The following SHROOM2 variants were observed in gnomAD, a reference collection of about 807,000 sequenced individuals.
SHROOM2 encodes shroom family member 2.
Under a neutral mutation model 75.9 loss-of-function variants are expected in SHROOM2, and 33 were observed. That is an observed-to-expected ratio of 0.43 (90% CI 0.33 to 0.58). SHROOM2 has a LOEUF of 0.58. SHROOM2 is among the 20% of genes least tolerant of loss of function. The pLI, the probability that SHROOM2 is intolerant of heterozygous loss-of-function variation, is 0.04. For missense variants in SHROOM2, 1,434 were observed against 1,461.2 expected (o/e 0.98, Z 0.30); for synonymous variants, 655 against 663.6 (o/e 0.99, Z 0.20).
chrX:9,925,950 G>C (rs1275687440), intron 5 of SHROOM2, among the ~76,000 whole-genome samples: 1 of 111,393 alleles, frequency 9.0e-6, no homozygotes, highest in Non-Finnish European at 1.9e-5. Flanking sequence ...CTCATTGGCT[G>C]GGTGTGTTGC....
At chrX:9,880,568 G>A (rs910388467) in intron 2 of SHROOM2, among the ~76,000 whole-genome samples, 2 of 112,520 alleles carry the variant, frequency 1.8e-5, no homozygotes, top group Non-Finnish European at 3.8e-5. Flanking sequence ...AGTAAATGTC[G>A]CCTCTTCTTA....
Position 9,949,243 on chromosome X carries a change from T to C in SHROOM2, c.*2306T>C. ...ATCTGGTGCTAATGGTTGGCCCTGG[T>C]GTTGTTGGGTGGCAGCTGCTCCTTC... On this transcript the variant is annotated 3_prime_UTR_variant, in exon 10 of 10. Transcript: ENST00000380913. The C allele has an allele frequency of 3.3e-6, 1 of 306,642 alleles. No homozygotes were observed. Among genetic ancestry groups the C allele is most frequent in the Non-Finnish European group, 6.3e-6 (1 of 158,217 alleles). 25.3% of individuals were successfully genotyped at this position (306,642 alleles called of 1,213,427 possible). A position where few individuals can be genotyped will look rare whatever the true frequency, so the allele number is the denominator to read the frequency against.
intron 1 of SHROOM2, among the ~76,000 whole-genome samples, chrX:9,834,623 C>CTTATTTAT (rs201317435): frequency 4.4e-4 from 17 of 38,445 alleles, no homozygotes; most frequent in Non-Finnish European, 7.7e-4. Context: ...CTTTCTCCAC[C>CTTATTTAT]TTATTTATTT....
intron 1 of SHROOM2, among the ~76,000 whole-genome samples, chrX:9,855,713 A>G (rs1296201008): frequency 8.9e-6 from 1 of 111,894 alleles, no homozygotes; most frequent in African/African-American, 3.2e-5. Flanking sequence ...AGAAGCGATG[A>G]ACCCATCCTT....
chrX:9,881,951 G>A (rs779403272), intron 2 of SHROOM2, among the ~76,000 whole-genome samples: 9 of 112,071 alleles, frequency 8.0e-5, no homozygotes, highest in African/African-American at 2.9e-4. Context: ...AGGACAAATT[G>A]AGTAAAAATA....
intron 1 of SHROOM2, among the ~76,000 whole-genome samples, chrX:9,815,178 C>T (rs998601639): frequency 9.0e-6 from 1 of 111,451 alleles, no homozygotes; most frequent in Non-Finnish European, 1.9e-5. Context: ...AGCAGTGAAT[C>T]AGGAGTGTCA....
chrX:9,914,532 G>A (rs1219167539), intron 5 of SHROOM2, among the ~76,000 whole-genome samples: 1 of 111,017 alleles, frequency 9.0e-6, no homozygotes, highest in East Asian at 2.8e-4. Context: ...CTGATTTCCA[G>A]CTGGCTTTTC....
At chrX:9,920,175 T>G (rs1411558625) in intron 5 of SHROOM2, among the ~76,000 whole-genome samples, 1 of 111,075 alleles carries the variant, frequency 9.0e-6, no homozygotes, top group African/African-American at 3.3e-5. Context: ...CTACAGCTCC[T>G]CAGACAGTAT....
At chrX:9,890,471 G>T (rs1259657184) in intron 2 of SHROOM2, among the ~76,000 whole-genome samples, 1 of 113,895 alleles carries the variant, frequency 8.8e-6, no homozygotes, top group Non-Finnish European at 1.9e-5. Flanking sequence ...TAAAAAGAAG[G>T]TGTGGGTTTG....
At chrX:9,834,211 A>G (rs5979187) in intron 1 of SHROOM2, among the ~76,000 whole-genome samples, 9,762 of 111,490 alleles carry the variant, frequency 0.088, 1,017 homozygotes, top group African/African-American at 0.3. Flanking sequence ...GCAGCGCTGG[A>G]CCTGTCACCC....
chrX:9,892,418 A>C lies in SHROOM2; in HGVS notation c.449+1310A>C, dbSNP rs937980102. On this transcript the variant is annotated intron_variant, in intron 3 of 9. Transcript: ENST00000380913. Reference sequence around the variant, plus strand: ...AGTGTATTTTTTGGGGAAAAAAAAAACACAAAAAAACAAAAAGCCACAGAT... The same window carrying C: ...AGTGTATTTTTTGGGGAAAAAAAAACCACAAAAAAACAAAAAGCCACAGAT... Among the ~76,000 whole-genome samples, 19 of 110,600 alleles carry C rather than the reference A, an allele frequency of 1.7e-4. No individual in the cohort carries two copies. In the East Asian group the frequency reaches 3.1e-3, roughly 18 times the overall value.
rs765504866 is a variant in SHROOM2, at chrX:9,896,243, A to G, written c.2335A>G (p.Ser779Gly). ...MNEVGLTRGY[S>G]PHQHPRTSED... The stretch of plus-strand genomic sequence containing the variant: ...CGAGGTGGGCCTCACGAGGGGCTAC[A>G]GTCCTCACCAGCACCCCAGGACATC... Residue 779 changes from serine to glycine, a missense_variant, in exon 4 of 10, where the codon AGT (serine) becomes GGT (glycine). Physicochemically the swap from Ser to Gly is moderately conservative, Grantham distance 56 (BLOSUM62 0). Transcript: ENST00000380913. 2 of 1,212,041 alleles carry G rather than the reference A, an allele frequency of 1.7e-6. No homozygotes were observed. The highest frequency in any genetic ancestry group is 1.8e-5 in the South Asian group (1 of 57,020).
chrX:9,864,238 C>A lies in SHROOM2; in HGVS notation c.166-9414C>A, dbSNP rs2084120936. 2.7e-5 allele frequency among the ~76,000 whole-genome samples: 3 copies of A among 111,475 alleles called. No homozygotes were observed. In the South Asian group the frequency reaches 1.1e-3, roughly 43 times the overall value. On this transcript the variant is annotated intron_variant, in intron 1 of 9. Transcript: ENST00000380913. The stretch of plus-strand genomic sequence containing the variant: ...TCACTCACCGTTATCAGCAACACTG[C>A]ATACTCAAGTTTTCAGCCTTTCATA...
At chrX:9,795,197 A>G (rs73473839) in intron 1 of SHROOM2, among the ~76,000 whole-genome samples, 5,621 of 108,989 alleles carry the variant, frequency 0.052, 334 homozygotes, top group African/African-American at 0.18. Context: ...GGTTATAGCC[A>G]CACTACAGCC....
intron 1 of SHROOM2, among the ~76,000 whole-genome samples, chrX:9,873,138 C>T (rs146633849): frequency 0.01 from 1,135 of 111,730 alleles, 16 homozygotes; most frequent in African/African-American, 0.035. Flanking sequence ...GATTGGAAAC[C>T]GAGTAGTAAT....
chrX:9,929,922 C>G (rs780964421), intron 5 of SHROOM2, among the ~76,000 whole-genome samples: 2 of 110,951 alleles, frequency 1.8e-5, no homozygotes, highest in Non-Finnish European at 3.8e-5. Context: ...CAGGGGTTTC[C>G]GCTTTTGCTT....
chrX:9,949,180 A>G lies in SHROOM2; in HGVS notation c.*2243A>G, dbSNP rs2084849983. 3.5e-5 allele frequency: 9 copies of G among 256,722 alleles called. No individual in the cohort carries two copies. The highest frequency in any genetic ancestry group is 2.6e-4 in the South Asian group (7 of 26,498). The allele number at this position is 256,722 out of a possible 1,213,427, so 21.2% of individuals were successfully genotyped here. A position where few individuals can be genotyped will look rare whatever the true frequency, so the allele number is the denominator to read the frequency against. On this transcript the variant is annotated 3_prime_UTR_variant, in exon 10 of 10. Transcript: ENST00000380913. ...CAAAGATTCTAGTGAGTCAACATCCATAACTCTGTATCTAGTTGTATTATT... is the reference window on the plus strand; with the variant it reads ...CAAAGATTCTAGTGAGTCAACATCCGTAACTCTGTATCTAGTTGTATTATT...
intron 1 of SHROOM2, among the ~76,000 whole-genome samples, chrX:9,860,055 C>G (rs1384312043): frequency 9.0e-6 from 1 of 111,628 alleles, no homozygotes; most frequent in Admixed American, 9.5e-5. Context: ...GTGGTTCTCC[C>G]CTGGGGGCAG....
At position 9,813,478 on chromosome X, in the gene SHROOM2, A is replaced by G. The variant is rs184904815; in HGVS notation, c.165+26768A>G. Among the ~76,000 whole-genome samples, 782 of 111,537 alleles carry G rather than the reference A, an allele frequency of 7.0e-3. 5 individuals carry two copies. Among genetic ancestry groups the G allele is most frequent in the Non-Finnish European group, 0.011 (584 of 53,077 alleles). On this transcript the variant is annotated intron_variant, in intron 1 of 9. Transcript: ENST00000380913. ...ATGTCTGATCATTTCCCTTTCCCCA[A>G]TGCACAGTTACCCTGGCTAAAGTCC...
Sources: gnomAD v4.1 joint callset for allele counts (sites outside exome capture counted in the v4.1 genomes callset) on GRCh38, gnomAD v4.1.1 for gene constraint, MANE v1.5 for transcripts, NCBI Gene and HGNC (gene_info 2026-07-23, HGNC 2026-07-21) for gene names.